Variants in PAK1 observed in about 807,000 individuals in gnomAD.
The protein encoded by PAK1 is p21 (RAC1) activated kinase 1.
A neutral mutation model predicts 67.4 loss-of-function variants in PAK1; 29 were observed. The ratio of observed to expected loss-of-function variants is 0.43; its 90% CI spans 0.32 to 0.59. PAK1 has a LOEUF of 0.59. PAK1 is among the 20% of genes least tolerant of loss of function. PAK1 has a pLI of 0.07. For missense variants in PAK1, 337 were observed against 670.7 expected (o/e 0.50, Z 5.50); for synonymous variants, 223 against 237.4 (o/e 0.94, Z 0.56).
intron 1 of PAK1, among the ~76,000 whole-genome samples, chr11:77,398,151 T>C (rs1592245102): frequency 1.3e-5 from 2 of 152,338 alleles, no homozygotes; most frequent in Non-Finnish European, 2.9e-5. Context: ...TTTTTAAATA[T>C]GCAATTGTTA....
intron 5 of PAK1, among the ~76,000 whole-genome samples, chr11:77,367,714 C>T (rs1328827598): frequency 6.6e-6 from 1 of 152,164 alleles, no homozygotes; most frequent in African/African-American, 2.4e-5. Context: ...CGTGGTGGCT[C>T]ACGCCTGTAA....
At chr11:77,436,232 C>T (rs1363559286) in intron 1 of PAK1, among the ~76,000 whole-genome samples, 1 of 152,144 alleles carries the variant, frequency 6.6e-6, no homozygotes, top group Non-Finnish European at 1.5e-5. Flanking sequence ...GGAGGCCACA[C>T]CAGGATATCA....
chr11:77,380,311 T>C (rs1401885505), intron 2 of PAK1, among the ~76,000 whole-genome samples: 1 of 152,118 alleles, frequency 6.6e-6, no homozygotes, highest in African/African-American at 2.4e-5. Flanking sequence ...CTAGGCAACA[T>C]GGCAAAACCC....
chr11:77,492,910 A>G, the PAK1 span, among the ~76,000 whole-genome samples: 5 of 152,046 alleles, frequency 3.3e-5, no homozygotes, highest in Non-Finnish European at 7.4e-5. Context: ...ACCTTCCACC[A>G]TGATTGTAGG....
chr11:77,442,460 G>A (rs148368498), intron 1 of PAK1, among the ~76,000 whole-genome samples: 1 of 152,296 alleles, frequency 6.6e-6, no homozygotes, highest in Non-Finnish European at 1.5e-5. Flanking sequence ...AGGCACACAT[G>A]GCAAAGAACT....
intron 1 of PAK1, among the ~76,000 whole-genome samples, chr11:77,456,491 GAGA>G (rs1957082238): frequency 6.6e-6 from 1 of 152,162 alleles, no homozygotes; most frequent in South Asian, 2.1e-4. Context: ...GAAGCAAGCA[GAGA>G]AGGTCTTTGT....
chr11:77,458,406 T>C (rs1957173715), intron 1 of PAK1, among the ~76,000 whole-genome samples: 1 of 152,208 alleles, frequency 6.6e-6, no homozygotes, highest in African/African-American at 2.4e-5. Flanking sequence ...CTCAAATCAT[T>C]GTCCTCCGAA....
At chr11:77,479,515 T>C (rs1384477598), upstream of PAK1, among the ~76,000 whole-genome samples, 1 of 151,994 alleles carries the variant, frequency 6.6e-6, no homozygotes, top group African/African-American at 2.4e-5. Context: ...TAATTCTTCC[T>C]GTTTCCTGCT....
At chr11:77,350,078 A>T (rs538044987) in intron 8 of PAK1, among the ~76,000 whole-genome samples, 2 of 152,326 alleles carry the variant, frequency 1.3e-5, no homozygotes, top group East Asian at 3.9e-4. Flanking sequence ...AACCACACTG[A>T]ATAATCTAAT....
intron 14 of PAK1, chr11:77,325,292 A>G: frequency 6.2e-7 from 1 of 1,613,580 alleles, no homozygotes. Context: ...CACACTTGAG[A>G]GCCAAACAGG....
chr11:77,412,895 C>T (rs2853085), intron 1 of PAK1, among the ~76,000 whole-genome samples: 10,382 of 152,250 alleles, frequency 0.068, 796 homozygotes, highest in East Asian at 0.24. Context: ...AACTATTGTG[C>T]ATCAGGCATT....
At chr11:77,405,088 T>C (rs144366915) in intron 1 of PAK1, among the ~76,000 whole-genome samples, 5 of 152,308 alleles carry the variant, frequency 3.3e-5, no homozygotes, top group Admixed American at 2.0e-4. Flanking sequence ...CAGCAAATCA[T>C]AGTAATATCT....
the PAK1 span, among the ~76,000 whole-genome samples, chr11:77,505,411 C>T: frequency 6.6e-6 from 1 of 152,246 alleles, no homozygotes; most frequent in East Asian, 1.9e-4. Context: ...TGCTCTCAAA[C>T]TTCTGGCCTC....
At chr11:77,398,338 C>A (rs1001857520) in intron 1 of PAK1, among the ~76,000 whole-genome samples, 1 of 152,112 alleles carries the variant, frequency 6.6e-6, no homozygotes, top group Non-Finnish European at 1.5e-5. Flanking sequence ...TTTTTAGATC[C>A]CACAAATAAG....
intron 1 of PAK1, among the ~76,000 whole-genome samples, chr11:77,445,695 C>T (rs1435517512): frequency 6.6e-6 from 1 of 152,208 alleles, no homozygotes; most frequent in Non-Finnish European, 1.5e-5. Context: ...TAAAAATCTA[C>T]ATTTCTCTTC....
chr11:77,523,029 T>G, the PAK1 span, among the ~76,000 whole-genome samples: 1 of 152,006 alleles, frequency 6.6e-6, no homozygotes, highest in Admixed American at 6.6e-5. Context: ...TGGGTACACA[T>G]GGACATAAAG....
intron 1 of PAK1, among the ~76,000 whole-genome samples, chr11:77,401,372 A>G (rs1267409948): frequency 5.9e-5 from 9 of 152,014 alleles, no homozygotes; most frequent in African/African-American, 1.9e-4. Context: ...CAGTGAGGAA[A>G]ACTGTTGGCT....
rs1216753734 is a variant in PAK1, at chr11:77,379,134, T to G, written c.439+107A>C. On this transcript the variant is annotated intron_variant, in intron 4 of 14. Coordinates refer to ENST00000356341, the MANE Select transcript of PAK1 (RefSeq NM_002576.5). Reference sequence around the variant, plus strand: ...TTCCACGTTAAAGTGCCACTTCCACTCTTTCCACTACTTTCTTCTCTCATC... The same window carrying G: ...TTCCACGTTAAAGTGCCACTTCCACGCTTTCCACTACTTTCTTCTCTCATC... The G allele has an allele frequency of 5.2e-6, 5 of 968,342 alleles. No individual in the cohort carries two copies. The Admixed American group carries it at 1.3e-4, about 25-fold the overall frequency. The allele number at this position is 968,342 out of a possible 1,614,324, so 60.0% of individuals were successfully genotyped here.
chr11:77,431,356 T>C (rs1025380275), intron 1 of PAK1, among the ~76,000 whole-genome samples: 1 of 152,200 alleles, frequency 6.6e-6, no homozygotes, highest in Non-Finnish European at 1.5e-5. Context: ...GATTATGCAA[T>C]AGAAGTGTTA....
Sources: allele counts gnomAD v4.1 joint callset (sites outside exome capture counted in the v4.1 genomes callset), GRCh38; gene constraint gnomAD v4.1.1; transcripts MANE v1.5; gene names NCBI Gene and HGNC (gene_info 2026-07-23, HGNC 2026-07-21).